The following CCDC172 variants were observed in gnomAD, a reference collection of about 807,000 sequenced individuals.
CCDC172 encodes the protein coiled-coil domain containing 172.
In CCDC172, 30 loss-of-function variants were observed where a neutral mutation model predicts 38.0. The observed-to-expected ratio is 0.79, with a 90% CI of 0.59 to 1.07. CCDC172 has a LOEUF of 1.07. Ranked by LOEUF, CCDC172 falls within the 50% of genes least tolerant of loss-of-function variation. The pLI, the probability that CCDC172 is intolerant of heterozygous loss-of-function variation, is 0.00. For synonymous variants in CCDC172, 78 were observed against 88.3 expected (o/e 0.88, Z 0.66); for missense variants, 297 against 290.1 (o/e 1.02, Z -0.17).
intron 7 of CCDC172, among the ~76,000 whole-genome samples, chr10:116,368,226 G>C (rs1213251571): frequency 6.6e-6 from 1 of 152,050 alleles, no homozygotes; most frequent in Admixed American, 6.6e-5. Flanking sequence ...TATATAGGAT[G>C]ACCCTTTGAT....
chr10:116,358,621 G>A lies in CCDC172; in HGVS notation c.653+683G>A, dbSNP rs987381952. ...AATGAAGCCTTCTTTCACATAAATCGTATAGGAAATATGTCCACTAGAGCT... is the reference window on the plus strand; with the variant it reads ...AATGAAGCCTTCTTTCACATAAATCATATAGGAAATATGTCCACTAGAGCT... On this transcript the variant is annotated intron_variant, in intron 7 of 8. Coordinates refer to ENST00000333254, the MANE Select transcript of CCDC172 (RefSeq NM_198515.3). Among the ~76,000 whole-genome samples, 78 of 152,220 alleles carry A rather than the reference G, an allele frequency of 5.1e-4. 1 individual carries two copies. The highest frequency in any genetic ancestry group is 1.7e-3 in the African/African-American group (69 of 41,546).
chr10:116,333,263 A>C (rs770451345), intron 3 of CCDC172, among the ~76,000 whole-genome samples: 17 of 152,060 alleles, frequency 1.1e-4, no homozygotes, highest in Non-Finnish European at 2.4e-4. Context: ...CAATATATAA[A>C]TTGTTTTTTG....
intron 7 of CCDC172, among the ~76,000 whole-genome samples, chr10:116,375,398 A>G (rs552353145): frequency 1.3e-5 from 2 of 152,106 alleles, no homozygotes; most frequent in South Asian, 2.1e-4. Flanking sequence ...TGCACCCATC[A>G]ACCCATCATC....
At chr10:116,327,057 T>TA (rs1844601455) in intron 3 of CCDC172, among the ~76,000 whole-genome samples, 1 of 152,138 alleles carries the variant, frequency 6.6e-6, no homozygotes, top group African/African-American at 2.4e-5. Context: ...TATGAGCACT[T>TA]ACTGTATGCA....
At position 116,337,052 on chromosome 10, in the gene CCDC172, A is replaced by G. The variant is rs185381012; in HGVS notation, c.166-3682A>G. Among the ~76,000 whole-genome samples the G allele has an allele frequency of 4.4e-3, 659 of 151,300 alleles. 4 individuals carry two copies. Among genetic ancestry groups the G allele is most frequent in the African/African-American group, 0.015 (593 of 40,620 alleles). ...AACAAGGAAAGGAAAAACAGTCTTT[A>G]TTGCTGAGAGAAGCAGAATTAACCA... On this transcript the variant is annotated intron_variant, in intron 3 of 8. Transcript: ENST00000333254.
chr10:116,347,415 A>C (rs1055257689), intron 5 of CCDC172, among the ~76,000 whole-genome samples: 2 of 152,344 alleles, frequency 1.3e-5, no homozygotes, highest in East Asian at 3.9e-4. Flanking sequence ...TGAGGTAATA[A>C]GCAGGGCAAA....
intron 3 of CCDC172, among the ~76,000 whole-genome samples, chr10:116,330,646 C>A (rs61086904): frequency 6.6e-6 from 1 of 152,022 alleles, no homozygotes; most frequent in African/African-American, 2.4e-5. Context: ...CTGTGCACTC[C>A]GTATTCTCCA....
At chr10:116,357,242 G>T (rs529266694) in intron 5 of CCDC172, 138 bp from the exon 6 acceptor site, 16 of 557,688 alleles carry the variant, frequency 2.9e-5, no homozygotes, top group Non-Finnish European at 4.6e-5. Context: ...CATAGACATG[G>T]ATATCTTTTC....
At chr10:116,336,040 C>T (rs1231199255) in intron 3 of CCDC172, among the ~76,000 whole-genome samples, 1 of 151,762 alleles carries the variant, frequency 6.6e-6, no homozygotes, top group Non-Finnish European at 1.5e-5. Context: ...GATGGTGTGC[C>T]CCTGTAATCC....
At chr10:116,340,035 A>G (rs1046637159) in intron 3 of CCDC172, among the ~76,000 whole-genome samples, 28 of 151,984 alleles carry the variant, frequency 1.8e-4, no homozygotes, top group African/African-American at 6.5e-4. Context: ...CCAGTCCAGC[A>G]TCATTTTTAG....
Position 116,325,813 on chromosome 10 carries a change from C to T in CCDC172, c.165+425C>T, listed in dbSNP as rs1479289114. On this transcript the variant is annotated intron_variant, in intron 3 of 8. Coordinates refer to ENST00000333254, the MANE Select transcript of CCDC172 (RefSeq NM_198515.3). ...CCTTTAGTTTTAAAAGTCTCTACCA[C>T]ATTTTAGACATGCCTTGCGTCCGAA... 5.3e-5 allele frequency among the ~76,000 whole-genome samples: 8 copies of T among 152,212 alleles called. No homozygotes were observed. In the East Asian group the frequency reaches 1.5e-3, roughly 29 times the overall value.
rs1280006275 is a variant in CCDC172 at position 116,379,565 on chromosome 10, T to C, written c.*207T>C. On this transcript the variant is annotated 3_prime_UTR_variant, in exon 9 of 9. Coordinates refer to ENST00000333254, the MANE Select transcript of CCDC172 (RefSeq NM_198515.3). ...GTTACTCAAACTTTAAGAGTTCTTC[T>C]GTGGTTTGATTTTGTTTCTAAAAGA... is the stretch of plus-strand genomic sequence containing the variant. The C allele has an allele frequency of 5.1e-6, 2 of 394,758 alleles. No homozygotes were observed. Among genetic ancestry groups the C allele is most frequent in the African/African-American group, 2.1e-5 (1 of 47,836 alleles). 24.5% of individuals were successfully genotyped at this position (394,758 alleles called of 1,614,324 possible).
chr10:116,377,496 A>AT (rs542452584), intron 7 of CCDC172, among the ~76,000 whole-genome samples: 103 of 152,196 alleles, frequency 6.8e-4, no homozygotes, highest in South Asian at 1.5e-3. Flanking sequence ...TAACCAACCT[A>AT]TTTTTTTGTG....
chr10:116,368,525 C>T (rs1845150375), intron 7 of CCDC172, among the ~76,000 whole-genome samples: 1 of 151,916 alleles, frequency 6.6e-6, no homozygotes, highest in African/African-American at 2.4e-5. Context: ...ATTTTTGATA[C>T]CCCAATTTTC....
intron 4 of CCDC172, 35 bp downstream of exon 4, chr10:116,340,885 C>G: frequency 9.1e-7 from 1 of 1,093,630 alleles, no homozygotes; most frequent in Non-Finnish European, 1.4e-6. Flanking sequence ...ATCTATTTCA[C>G]TAATATGTAA....
At position 116,374,140 on chromosome 10, in the gene CCDC172, G is replaced by C. The variant is rs1010356744; in HGVS notation, c.654-4283G>C. On this transcript the variant is annotated intron_variant, in intron 7 of 8. Coordinates refer to ENST00000333254, the MANE Select transcript of CCDC172 (RefSeq NM_198515.3). ...CCTGCTAGTCATTTCGTAGCCATCT[G>C]AGTTATCATATCGACTGTTATGCTA... Among the ~76,000 whole-genome samples, 4 of 152,028 alleles carry C rather than the reference G, an allele frequency of 2.6e-5. No homozygotes were observed. In the South Asian group the frequency reaches 6.2e-4, roughly 24 times the overall value.
At chr10:116,347,394 A>C (rs1477297706) in intron 5 of CCDC172, among the ~76,000 whole-genome samples, 2 of 152,202 alleles carry the variant, frequency 1.3e-5, no homozygotes, top group East Asian at 3.9e-4. Context: ...CCTTCAGGAA[A>C]GGGAGCAGAT....
At chr10:116,365,832 T>C (rs989764322) in intron 7 of CCDC172, among the ~76,000 whole-genome samples, 1 of 152,160 alleles carries the variant, frequency 6.6e-6, no homozygotes, top group African/African-American at 2.4e-5. Context: ...ACACACATAC[T>C]TACCATTGTG....
chr10:116,357,471 A>G lies in CCDC172; in HGVS notation c.540A>G (p.Arg180=). The G allele has an allele frequency of 6.4e-7, 1 of 1,566,424 alleles. No homozygotes were observed. The highest frequency in any genetic ancestry group is 2.3e-5 in the East Asian group (1 of 42,722). ...TACAAGAATTATTTACTCTCCAAAG[A>G]AAACTTAAAGGTATTACCTTCATGA... ...ELIQELFTLQ[R]KLKVFEDEEN... The change falls in exon 6 of 9, where the codon AGA becomes AGG. Residue 180 remains arginine (R), a synonymous_variant. Transcript: ENST00000333254.
Sources: gnomAD v4.1 joint callset for allele counts (sites outside exome capture counted in the v4.1 genomes callset) on GRCh38, gnomAD v4.1.1 for gene constraint, MANE v1.5 for transcripts, NCBI Gene and HGNC (gene_info 2026-07-23, HGNC 2026-07-21) for gene names.